BAIAP3: variants seen among roughly 807,000 people sequenced by gnomAD.
The protein encoded by BAIAP3 is BAI1 associated protein 3, also known as BAI1-associated protein 3.
A neutral mutation model predicts 149.7 loss-of-function variants in BAIAP3; 180 were observed. The observed-to-expected ratio is 1.20, with a 90% CI of 1.07 to 1.36. The LOEUF (loss-of-function observed/expected upper bound fraction) is 1.36. Ranked by LOEUF, BAIAP3 falls within the 40% of genes most tolerant of loss-of-function variation. The pLI, the probability that BAIAP3 is intolerant of heterozygous loss-of-function variation, is 0.00. For synonymous variants in BAIAP3, 845 were observed against 670.7 expected, an observed-to-expected ratio of 1.26 and a Z score of -4.02; for missense variants, 1,767 against 1,563.4, an observed-to-expected ratio of 1.13 and a Z score of -2.20.
At chr16:1,337,668 G>C (rs550610378) in intron 1 of BAIAP3, among the ~76,000 whole-genome samples, 1 of 152,332 alleles carries the variant, frequency 6.6e-6, no homozygotes, top group Admixed American at 6.5e-5. Context: ...GGTGACATCT[G>C]GGCTGCTGCT....
At chr16:1,343,051 T>C (rs1397581075) in intron 14 of BAIAP3, 35 bp downstream of exon 14, 1 of 1,346,176 alleles carries the variant, frequency 7.4e-7, no homozygotes, top group Admixed American at 2.0e-5. Context: ...GCGGGGAATG[T>C]GGGCGGGCGT....
chr16:1,341,439 C>A lies in BAIAP3; in HGVS notation c.681C>A (p.Thr227=). Residue 227 remains threonine (T), a synonymous_variant, in exon 8 of 34, where the codon ACC becomes ACA. Coordinates refer to ENST00000426824, the MANE Select transcript of BAIAP3 (RefSeq NM_001199097.2). ...GPLPAKCIQV[T]EVKSSTLNPV... ...TGCCTGCCAAGTGCATCCAGGTCAC[C>A]GAGGTGAAGAGCAGCACCCTGAACC... The A allele has an allele frequency of 6.2e-7, 1 of 1,612,616 alleles. No individual in the cohort carries two copies. The highest frequency in any genetic ancestry group is 1.3e-5 in the African/African-American group (1 of 75,074).
In BAIAP3 at chr16:1,343,571, G is replaced by A. The variant is rs887769744; in HGVS notation, c.1386+58G>A. ...GGCGAAGGGAGTGCTGGGGACTGGG[G>A]TCGCTCAGTGCCGGTCGGCGAGGGG... On this transcript the variant is annotated intron_variant, in intron 15 of 33. Coordinates refer to ENST00000426824, the MANE Select transcript of BAIAP3 (RefSeq NM_001199097.2). The A allele has an allele frequency of 1.4e-5, 23 of 1,588,246 alleles. No individual in the cohort carries two copies. The Admixed American group carries it at 4.0e-4, about 28-fold the overall frequency.
rs952195971 is a variant in BAIAP3 at position 1,343,144 on chromosome 16, A to G, written c.1265+128A>G. 8.6e-5 allele frequency: 94 copies of G among 1,091,592 alleles called. No homozygotes were observed. In the Middle Eastern group the frequency reaches 1.2e-3, roughly 14 times the overall value. The allele number at this position is 1,091,592 out of a possible 1,614,324, so 67.6% of individuals were successfully genotyped here. A position where few individuals can be genotyped will look rare whatever the true frequency, so the allele number is the denominator to read the frequency against. On this transcript the variant is annotated intron_variant, in intron 14 of 33. Coordinates refer to ENST00000426824, the MANE Select transcript of BAIAP3 (RefSeq NM_001199097.2). Reference sequence around the variant, plus strand: ...GGCAGGGAAAGGGGCGGTGCTGAGTAGGTGGGGCTGCGCTGATTGGGCGGG... The same window carrying G: ...GGCAGGGAAAGGGGCGGTGCTGAGTGGGTGGGGCTGCGCTGATTGGGCGGG...
In BAIAP3 at chr16:1,341,227, C is replaced by T. The variant is rs371995818; in HGVS notation, c.535+32C>T. 8.3e-5 allele frequency: 134 copies of T among 1,608,124 alleles called. 1 individual carries two copies. The African/African-American group carries it at 1.7e-3, about 20-fold the overall frequency. On this transcript the variant is annotated intron_variant, in intron 7 of 33. Coordinates refer to ENST00000426824, the MANE Select transcript of BAIAP3 (RefSeq NM_001199097.2). The stretch of plus-strand genomic sequence containing the variant: ...GGGGACCCAGCAGACCTCGGCTGCG[C>T]CGAGGCCTGGCGGCCATGGAGGGCC...
intron 32 of BAIAP3, 32 bp downstream of exon 32, chr16:1,348,049 G>A: frequency 7.0e-6 from 11 of 1,575,874 alleles, no homozygotes; most frequent in Non-Finnish European, 8.5e-6. Flanking sequence ...CCCAGCCCCA[G>A]GCTCCAGGCT....
rs754154120 is a variant in BAIAP3 at position 1,341,825 on chromosome 16, G to A, written c.735G>A (p.Glu245=). 6.2e-7 allele frequency: 1 copy of A among 1,612,482 alleles called. No homozygotes were observed. Among genetic ancestry groups the A allele is most frequent in the Non-Finnish European group, 8.5e-7 (1 of 1,179,798 alleles). The change falls in exon 9 of 34, where the codon GAG becomes GAA. Residue 245 remains glutamate (E), a synonymous_variant. Transcript: ENST00000426824. The part of the protein sequence containing the change: ...NPVWKEHFLF[E]IEDVSTDQLH... Reference sequence around the variant, plus strand: ...GGCATCTCTGTTCTCCTTGTAGCGAGATTGAGGATGTGAGCACGGACCAGC... The same window carrying A: ...GGCATCTCTGTTCTCCTTGTAGCGAAATTGAGGATGTGAGCACGGACCAGC...
rs746286188 is a variant in BAIAP3 at position 1,346,352 on chromosome 16, G to T, written c.2484G>T (p.Leu828=). 4.9e-5 allele frequency: 79 copies of T among 1,607,640 alleles called. No homozygotes were observed. Among genetic ancestry groups the T allele is most frequent in the Non-Finnish European group, 6.4e-5 (75 of 1,175,842 alleles). The part of the protein sequence containing the change: ...QREAHTVTAH[L]TSKMVGDIRK... ...AGGCCCACACGGTGACAGCGCACCT[G>T]ACCTCTAAGGTGGGTGGGGCCTGGA... is the stretch of plus-strand genomic sequence containing the variant. The change falls in exon 25 of 34, where the codon CTG becomes CTT. Residue 828 remains leucine, a synonymous_variant. Transcript: ENST00000426824.
At position 1,342,295 on chromosome 16, in the gene BAIAP3, TGGGGTG is replaced by T; in HGVS notation, c.957+16_957+21del. 2 of 1,609,956 alleles carry T rather than the reference TGGGGTG, an allele frequency of 1.2e-6. No individual in the cohort carries two copies. The highest frequency in any genetic ancestry group is 2.2e-5 in the South Asian group (2 of 90,908). ...ACATACCTGTCCGGGTGAGTGGGTG[TGGGGTG>T]GGGCTGGTGACACTTAGAGAAGGGC... On this transcript the variant is annotated intron_variant, in intron 11 of 33. Coordinates refer to ENST00000426824, the MANE Select transcript of BAIAP3 (RefSeq NM_001199097.2).
At chr16:1,347,020 T>C in intron 28 of BAIAP3, 65 bp downstream of exon 28, 2 of 1,425,722 alleles carry the variant, frequency 1.4e-6, no homozygotes, top group South Asian at 2.4e-5. Context: ...ATCCCTCCCT[T>C]TGTCCCCACT....
rs779406653 is a variant in BAIAP3, at chr16:1,341,784, G to A, written c.732-38G>A. On this transcript the variant is annotated intron_variant, in intron 8 of 33. Transcript: ENST00000426824. ...CTGACCCCGGCCTGGGCAGAGCCTCGCCGGGGACCCTCATGGGCATCTCTG... is the reference window on the plus strand; with the variant it reads ...CTGACCCCGGCCTGGGCAGAGCCTCACCGGGGACCCTCATGGGCATCTCTG... The A allele has an allele frequency of 5.0e-6, 8 of 1,602,388 alleles. No individual in the cohort carries two copies. In the East Asian group the frequency reaches 6.7e-5, roughly 13 times the overall value.
In BAIAP3 at chr16:1,339,510, C is replaced by A. The variant is rs762673539; in HGVS notation, c.315C>A (p.Tyr105Ter). 6.2e-7 allele frequency: 1 copy of A among 1,609,874 alleles called. No homozygotes were observed. The highest frequency in any genetic ancestry group is 8.5e-7 in the Non-Finnish European group (1 of 1,177,624). The change falls in exon 5 of 34, where the codon TAC (tyrosine) becomes TAA (stop). Residue 105 changes from tyrosine (Y) to a stop codon, truncating the protein, a stop_gained. Transcript: ENST00000426824. LOFTEE classifies it high-confidence loss of function. Reference protein sequence around the residue: ...ALAPEEVEMLYEEALYTVLYR... With the variant: ...ALAPEEVEML ...CCCACCTGCAGGTGGAGATGCTCTA[C>A]GAGGAGGCCCTGTACACGGTGCTTT...
intron 5 of BAIAP3, among the ~76,000 whole-genome samples, chr16:1,340,064 C>T (rs1479368552): frequency 1.1e-4 from 16 of 141,598 alleles, no homozygotes; most frequent in Non-Finnish European, 1.5e-4. Context: ...CACACAGACA[C>T]GCACACACAC....
intron 2 of BAIAP3, 85 bp downstream of exon 2, chr16:1,338,765 C>T (rs1325072892): frequency 6.4e-7 from 1 of 1,572,094 alleles, no homozygotes; most frequent in African/African-American, 1.4e-5. Context: ...CCCCAGCACC[C>T]CTGGGCGGGA....
Position 1,348,735 on chromosome 16 carries a change from C to G in BAIAP3, c.*253C>G. On this transcript the variant is annotated 3_prime_UTR_variant, in exon 34 of 34. Coordinates refer to ENST00000426824, the MANE Select transcript of BAIAP3 (RefSeq NM_001199097.2). ...ACTTGGCCAGCAGCTGCCCAGGACA[C>G]AGTGCAGGCCAGAGCGGGCTTGACC... is the stretch of plus-strand genomic sequence containing the variant. 1.8e-6 allele frequency: 1 copy of G among 565,338 alleles called. No homozygotes were observed. Among genetic ancestry groups the G allele is most frequent in the Non-Finnish European group, 3.2e-6 (1 of 315,564 alleles). The allele number at this position is 565,338 out of a possible 1,614,324, so 35.0% of individuals were successfully genotyped here. A position where few individuals can be genotyped will look rare whatever the true frequency, so the allele number is the denominator to read the frequency against.
chr16:1,339,882 C>T (rs1374611504), intron 5 of BAIAP3, among the ~76,000 whole-genome samples: 4 of 145,824 alleles, frequency 2.7e-5, no homozygotes, highest in Non-Finnish European at 4.5e-5. Flanking sequence ...GACACACGCA[C>T]ACAGGCTGCA....
chr16:1,344,902 A>C, intron 20 of BAIAP3, 53 bp downstream of exon 20: 1 of 1,613,680 alleles, frequency 6.2e-7, no homozygotes, highest in Middle Eastern at 1.7e-4. Context: ...AAGTGGGCAG[A>C]TGCCCTTGGC....
intron 2 of BAIAP3, 92 bp downstream of exon 2, chr16:1,338,772 G>A (rs966058495): frequency 1.5e-5 from 23 of 1,571,072 alleles, no homozygotes; most frequent in South Asian, 5.8e-5. Context: ...ACCCCTGGGC[G>A]GGAAGGAGGG....
intron 1 of BAIAP3, among the ~76,000 whole-genome samples, chr16:1,335,916 C>G (rs1387271538): frequency 6.6e-6 from 1 of 152,194 alleles, no homozygotes; most frequent in Non-Finnish European, 1.5e-5. Flanking sequence ...CCTGCGCCTC[C>G]GTTTGCCCAT....
Sources: allele counts gnomAD v4.1 joint callset (sites outside exome capture counted in the v4.1 genomes callset), GRCh38; gene constraint gnomAD v4.1.1; transcripts MANE v1.5; gene names NCBI Gene and HGNC (gene_info 2026-07-23, HGNC 2026-07-21).